PARD3B: variants seen among roughly 807,000 people sequenced by gnomAD.
PARD3B encodes the protein par-3 family cell polarity regulator beta.
Under a neutral mutation model 130.2 loss-of-function variants are expected in PARD3B, and 103 were observed. The observed-to-expected ratio is 0.79, with a 90% CI of 0.67 to 0.93. PARD3B has a LOEUF of 0.93. PARD3B is among the 40% of genes least tolerant of loss of function. The pLI, the probability that PARD3B is intolerant of heterozygous loss-of-function variation, is 0.00. For synonymous variants in PARD3B, 583 were observed against 553.2 expected, an observed-to-expected ratio of 1.05 and a Z score of -0.76; for missense variants, 1,609 against 1,499.2, an observed-to-expected ratio of 1.07 and a Z score of -1.21.
intron 2 of PARD3B, among the ~76,000 whole-genome samples, chr2:204,826,521 T>C (rs2043580959): frequency 6.6e-6 from 1 of 152,206 alleles, no homozygotes; most frequent in Non-Finnish European, 1.5e-5. Flanking sequence ...ATAATTTACA[T>C]AAAGATATTC....
At position 205,341,323 on chromosome 2, in the gene PARD3B, A is replaced by T. The variant is rs1390596535; in HGVS notation, c.2630+39622A>T. Among the ~76,000 whole-genome samples, 1 of 152,144 alleles carries T rather than the reference A, an allele frequency of 6.6e-6. No individual in the cohort carries two copies. The highest frequency in any genetic ancestry group is 6.6e-5 in the Admixed American group (1 of 15,264). ...TAATGCATCACTGTTCACAATAGCT[A>T]AGATATGGAATCAACCAAAATGTCC... is the stretch of plus-strand genomic sequence containing the variant. On this transcript the variant is annotated intron_variant, in intron 18 of 22. Transcript: ENST00000406610. This position sits in a 1 kb window ranked among gnomAD's most constrained non-coding sequence, Gnocchi z 4.3.
chr2:205,431,318 C>G (rs1157983850), intron 19 of PARD3B, among the ~76,000 whole-genome samples: 2 of 152,116 alleles, frequency 1.3e-5, no homozygotes, highest in Non-Finnish European at 2.9e-5. Context: ...CTCAAGTGAT[C>G]TGCCCATCTT....
chr2:205,518,231 C>T (rs148341452), intron 21 of PARD3B, among the ~76,000 whole-genome samples: 1 of 152,248 alleles, frequency 6.6e-6, no homozygotes, highest in East Asian at 1.9e-4. Context: ...TTGTAGGTCT[C>T]TAAGAACTTG....
At chr2:205,057,838 C>T (rs1699829950) in intron 4 of PARD3B, among the ~76,000 whole-genome samples, 1 of 150,730 alleles carries the variant, frequency 6.6e-6, no homozygotes, top group Non-Finnish European at 1.5e-5. Flanking sequence ...TCATTCTCCA[C>T]TGCATTCAGG....
At chr2:205,222,247 G>A (rs1359167787) in intron 15 of PARD3B, among the ~76,000 whole-genome samples, 1 of 151,634 alleles carries the variant, frequency 6.6e-6, no homozygotes, top group African/African-American at 2.4e-5. Flanking sequence ...TTAGTAGATA[G>A]TGTTAAGTAG....
At chr2:204,829,019 C>A (rs2043700294) in intron 2 of PARD3B, among the ~76,000 whole-genome samples, 1 of 152,182 alleles carries the variant, frequency 6.6e-6, no homozygotes, top group Non-Finnish European at 1.5e-5. Context: ...CCCTCCAAGT[C>A]TTATGGATAG....
At chr2:205,600,167 G>A (rs2054728104) in intron 22 of PARD3B, among the ~76,000 whole-genome samples, 1 of 152,206 alleles carries the variant, frequency 6.6e-6, no homozygotes, top group Non-Finnish European at 1.5e-5. Flanking sequence ...AATCAAGACT[G>A]CAGCATGAAA....
chr2:205,498,656 C>T (rs1048740238), intron 20 of PARD3B, among the ~76,000 whole-genome samples: 27 of 152,224 alleles, frequency 1.8e-4, no homozygotes, highest in African/African-American at 6.3e-4. Flanking sequence ...AAGTGATCGA[C>T]TTGCATGTCT....
chr2:205,272,429 A>G (rs1020489881), intron 16 of PARD3B, among the ~76,000 whole-genome samples: 7 of 152,154 alleles, frequency 4.6e-5, no homozygotes, highest in Non-Finnish European at 7.4e-5. Context: ...AAATAGGTAA[A>G]CTTTAGTATA....
intron 3 of PARD3B, among the ~76,000 whole-genome samples, chr2:205,036,658 C>T (rs528197961): frequency 1.1e-4 from 15 of 141,886 alleles, no homozygotes; most frequent in Admixed American, 2.2e-4. Context: ...ATATACACAG[C>T]GGACTGTATG....
At chr2:205,082,296 G>A (rs1350317541) in intron 4 of PARD3B, among the ~76,000 whole-genome samples, 5 of 152,050 alleles carry the variant, frequency 3.3e-5, no homozygotes, top group African/African-American at 7.2e-5. Context: ...CTGGAAACAC[G>A]GATAGGGCTG....
At chr2:204,647,110 GGA>G (rs2035301949) in intron 1 of PARD3B, among the ~76,000 whole-genome samples, 1 of 151,856 alleles carries the variant, frequency 6.6e-6, no homozygotes, top group Non-Finnish European at 1.5e-5. Flanking sequence ...ACTGTAAGTT[GGA>G]GATCATCTGT....
chr2:205,523,301 G>A (rs1273874825), intron 21 of PARD3B, among the ~76,000 whole-genome samples: 2 of 150,368 alleles, frequency 1.3e-5, no homozygotes, highest in African/African-American at 2.4e-5. Context: ...ATGCAGTGCA[G>A]TGGTGCAATC....
chr2:205,517,463 C>T (rs1434415163), intron 21 of PARD3B, among the ~76,000 whole-genome samples: 2 of 152,034 alleles, frequency 1.3e-5, no homozygotes, highest in African/African-American at 2.4e-5. Context: ...TTTGGATCTT[C>T]TCCTTTTTCT....
At chr2:205,223,273 C>T (rs1250530482) in intron 15 of PARD3B, among the ~76,000 whole-genome samples, 2 of 151,998 alleles carry the variant, frequency 1.3e-5, no homozygotes, top group African/African-American at 2.4e-5. Flanking sequence ...TATTCATAGG[C>T]AGTGAAATAT....
chr2:204,867,285 G>A (rs2045463350), intron 2 of PARD3B, among the ~76,000 whole-genome samples: 1 of 152,058 alleles, frequency 6.6e-6, no homozygotes, highest in African/African-American at 2.4e-5. Flanking sequence ...GCAGAAAACA[G>A]CTTTTCAGCT....
intron 22 of PARD3B, among the ~76,000 whole-genome samples, chr2:205,570,683 T>G (rs187971662): frequency 6.6e-6 from 1 of 152,126 alleles, no homozygotes; most frequent in Non-Finnish European, 1.5e-5. Context: ...CTCCCACCCA[T>G]TGCACCACAA....
At chr2:205,097,748 T>A (rs55976448) in intron 4 of PARD3B, among the ~76,000 whole-genome samples, 2 of 152,174 alleles carry the variant, frequency 1.3e-5, no homozygotes, top group Non-Finnish European at 2.9e-5. Flanking sequence ...ACACAGTTCT[T>A]CTTAAGCAGC....
chr2:205,554,932 G>T (rs1489710837), intron 22 of PARD3B, among the ~76,000 whole-genome samples: 1 of 152,154 alleles, frequency 6.6e-6, no homozygotes, highest in Non-Finnish European at 1.5e-5. Context: ...GGGGGCTGGG[G>T]TGCGGGAGGT....
Sources: allele counts gnomAD v4.1 joint callset (sites outside exome capture counted in the v4.1 genomes callset), GRCh38; gene constraint gnomAD v4.1.1; non-coding constraint Gnocchi (gnomAD v3.1); transcripts MANE v1.5; gene names NCBI Gene and HGNC (gene_info 2026-07-23, HGNC 2026-07-21).